WDFY3: variants seen among roughly 807,000 people sequenced by gnomAD.
The protein encoded by WDFY3 is WD repeat and FYVE domain-containing protein 3.
A neutral mutation model predicts 409.6 loss-of-function variants in WDFY3; 66 were observed. The ratio of observed to expected loss-of-function variants is 0.16; its 90% confidence interval spans 0.13 to 0.20. The LOEUF is 0.20. Among genes scored for constraint, WDFY3 ranks in the 10% least tolerant of loss-of-function variants. The pLI is 1.00. For synonymous variants in WDFY3, 1,521 were observed against 1,537.1 expected (o/e 0.99, Z 0.25); for missense variants, 3,031 against 4,298.1 (o/e 0.71, Z 8.24).
At chr4:84,678,311 C>G (rs749341449) in intron 65 of WDFY3, 32 bp from the exon 66 acceptor site, 3 of 1,545,734 alleles carry the variant, frequency 1.9e-6, no homozygotes, top group South Asian at 2.2e-5. Context: ...CACAACATAA[C>G]TCAACTGAGA....
intron 1 of WDFY3, among the ~76,000 whole-genome samples, chr4:84,964,059 T>C (rs1775287668): frequency 6.6e-6 from 1 of 152,206 alleles, no homozygotes; most frequent in East Asian, 1.9e-4. Context: ...CAGACCCATA[T>C]CCTTTTGAGA....
At chr4:84,740,510 AC>A in intron 38 of WDFY3, 94 bp from the exon 39 acceptor site, 1 of 1,171,752 alleles carries the variant, frequency 8.5e-7, no homozygotes, top group Non-Finnish European at 1.2e-6. Flanking sequence ...TCTATTATAT[AC>A]CAGATGCCAT....
intron 9 of WDFY3, among the ~76,000 whole-genome samples, chr4:84,828,030 T>G (rs1397114987): frequency 6.8e-6 from 1 of 147,614 alleles, no homozygotes; most frequent in Non-Finnish European, 1.5e-5. Flanking sequence ...TATCGAGCTA[T>G]GATTATGCCA....
chr4:84,858,023 T>C (rs1760015710), intron 4 of WDFY3, among the ~76,000 whole-genome samples: 1 of 152,162 alleles, frequency 6.6e-6, no homozygotes, highest in South Asian at 2.1e-4. Context: ...CCATCAATAC[T>C]AATCAATTCT....
chr4:84,843,178 A>T (rs569249485), intron 5 of WDFY3, among the ~76,000 whole-genome samples: 1 of 152,340 alleles, frequency 6.6e-6, no homozygotes, highest in East Asian at 1.9e-4. Context: ...ATTTGCCTAC[A>T]ATCACATAGC....
intron 22 of WDFY3, among the ~76,000 whole-genome samples, chr4:84,788,599 T>C (rs1404676551): frequency 6.6e-6 from 1 of 152,222 alleles, no homozygotes; most frequent in African/African-American, 2.4e-5. Context: ...GGGTTTATCA[T>C]ATTGAAACAC....
chr4:84,695,211 A>G lies in WDFY3; in HGVS notation c.8901+759T>C, dbSNP rs187332603. Among the ~76,000 whole-genome samples the G allele has an allele frequency of 3.0e-3, 459 of 152,202 alleles. 3 individuals are homozygous for G. Among genetic ancestry groups the G allele is most frequent in the Admixed American group, 8.8e-3 (135 of 15,296 alleles). ...TTCATGGAGGTTTGCTCATCACTGA[A>G]CATGAAACAGGCCTACAGTATCTGG... On this transcript the variant is annotated intron_variant, in intron 58 of 67. Transcript: ENST00000295888.
intron 1 of WDFY3, among the ~76,000 whole-genome samples, chr4:84,963,504 T>C (rs1406132383): frequency 6.7e-6 from 1 of 150,070 alleles, no homozygotes; most frequent in African/African-American, 2.5e-5. Flanking sequence ...AAATCAGAGG[T>C]GGATGATCCT....
chr4:84,745,422 G>C (rs1026554821), intron 36 of WDFY3, among the ~76,000 whole-genome samples: 8 of 152,302 alleles, frequency 5.3e-5, no homozygotes, highest in Middle Eastern at 3.4e-3. Context: ...CTGTTACAAA[G>C]ATGGGCTTTT....
chr4:84,813,297 T>C (rs1290738485), intron 13 of WDFY3, among the ~76,000 whole-genome samples: 18 of 152,146 alleles, frequency 1.2e-4, no homozygotes. Flanking sequence ...AGCTAGCTCA[T>C]ACCGGCTCTC....
intron 61 of WDFY3, among the ~76,000 whole-genome samples, chr4:84,690,100 T>C (rs949031261): frequency 1.3e-5 from 2 of 152,100 alleles, no homozygotes; most frequent in Non-Finnish European, 2.9e-5. Context: ...CTTAAGTATA[T>C]GACAAATGAG....
At chr4:84,955,228 G>A (rs1012913238) in intron 1 of WDFY3, among the ~76,000 whole-genome samples, 27 of 148,062 alleles carry the variant, frequency 1.8e-4, no homozygotes, top group African/African-American at 5.3e-4. Flanking sequence ...AAAAGGGAGC[G>A]GGAGCTCCCA....
intron 8 of WDFY3, 88 bp from the exon 9 acceptor site, chr4:84,829,278 A>G (rs2149900447): frequency 9.1e-7 from 1 of 1,095,388 alleles, no homozygotes. Context: ...TTAATGAAAC[A>G]TTAAATTTTA....
chr4:84,837,643 T>C (rs1015816999), intron 6 of WDFY3, among the ~76,000 whole-genome samples: 1 of 152,240 alleles, frequency 6.6e-6, no homozygotes, highest in East Asian at 1.9e-4. Flanking sequence ...AATACATCTC[T>C]ATATTATTTT....
chr4:84,711,584 G>A (rs1732899378), intron 51 of WDFY3, among the ~76,000 whole-genome samples: 1 of 152,108 alleles, frequency 6.6e-6, no homozygotes. Flanking sequence ...CAGGCGCAGG[G>A]GCTCATGCCT....
At chr4:84,789,552 C>T (rs548979240) in intron 22 of WDFY3, among the ~76,000 whole-genome samples, 174 bp downstream of exon 22, 2 of 151,936 alleles carry the variant, frequency 1.3e-5, no homozygotes, top group Admixed American at 1.3e-4. Flanking sequence ...AAGAATTGGC[C>T]ACATGAGTCT....
At position 84,841,137 on chromosome 4, in the gene WDFY3, G is replaced by T; in HGVS notation, c.414+17C>A. On this transcript the variant is annotated intron_variant, in intron 6 of 67. Coordinates refer to ENST00000295888, the MANE Select transcript of WDFY3 (RefSeq NM_014991.6). ...ATAAAGACGCTGAGTTATCAAACAT[G>T]AAAACTAAGAACTTACCTGACCAGA... 1.3e-6 allele frequency: 2 copies of T among 1,576,990 alleles called. No individual in the cohort carries two copies. Among genetic ancestry groups the T allele is most frequent in the Non-Finnish European group, 1.7e-6 (2 of 1,167,220 alleles).
At chr4:84,917,298 G>A (rs903566899) in intron 2 of WDFY3, among the ~76,000 whole-genome samples, 30 of 152,100 alleles carry the variant, frequency 2.0e-4, no homozygotes, top group Admixed American at 1.8e-3. Context: ...AGAGAGCCTC[G>A]GAGGCCAGTT....
At chr4:84,673,854 T>C (rs1287557570) in intron 67 of WDFY3, among the ~76,000 whole-genome samples, 1 of 152,178 alleles carries the variant, frequency 6.6e-6, no homozygotes, top group Non-Finnish European at 1.5e-5. Flanking sequence ...TGGCCTCAAG[T>C]GATCTTCCTG....
Sources: gnomAD v4.1 joint callset for allele counts (sites outside exome capture counted in the v4.1 genomes callset) on GRCh38, gnomAD v4.1.1 for gene constraint, MANE v1.5 for transcripts, NCBI Gene and HGNC (gene_info 2026-07-23, HGNC 2026-07-21) for gene names.